The following SAP130 variants were observed in gnomAD, a reference collection of about 807,000 sequenced individuals.
The protein encoded by SAP130 is Sin3A associated protein 130.
Under a neutral mutation model 103.2 loss-of-function variants are expected in SAP130, and 16 were observed. The observed-to-expected ratio is 0.16, with a 90% CI of 0.10 to 0.24. The LOEUF (loss-of-function observed/expected upper bound fraction) is 0.24, where lower values mean the gene tolerates loss of function less well. Ranked by LOEUF, SAP130 falls within the 10% of genes least tolerant of loss-of-function variation. The probability of loss-of-function intolerance (pLI) is 1.00; values close to 1 mark genes in which losing one functional copy is unlikely to be tolerated. For synonymous variants in SAP130, 477 were observed against 497.0 expected, an observed-to-expected ratio of 0.96 and a Z score of 0.53; for missense variants, 990 against 1,359.7, an observed-to-expected ratio of 0.73 and a Z score of 4.28.
At chr2:128,016,201 T>C (rs1341458615) in intron 4 of SAP130, among the ~76,000 whole-genome samples, 188 bp downstream of exon 4, 2 of 152,122 alleles carry the variant, frequency 1.3e-5, no homozygotes, top group Admixed American at 6.6e-5. Context: ...ATGACCACTA[T>C]GGACACTGGC....
intron 12 of SAP130, among the ~76,000 whole-genome samples, chr2:127,992,528 C>A (rs895507391): frequency 6.6e-6 from 1 of 150,740 alleles, no homozygotes; most frequent in African/African-American, 2.4e-5. Flanking sequence ...GATCTGCCTG[C>A]CCTGCCTCAG....
intron 2 of SAP130, among the ~76,000 whole-genome samples, chr2:128,019,535 G>A (rs1168113155): frequency 6.6e-6 from 1 of 152,076 alleles, no homozygotes; most frequent in Non-Finnish European, 1.5e-5. Flanking sequence ...CTCCCAAAGT[G>A]CTGAGATTAC....
Position 128,010,197 on chromosome 2 carries a change from A to G in SAP130, c.869+72T>C, listed in dbSNP as rs915271834. On this transcript the variant is annotated intron_variant, in intron 7 of 20. Transcript: ENST00000643581. ...CACTCAATAAATATTTACTTAAATG[A>G]AGGAACGAAAGAAAAAAGAGTGAAG... 5.3e-6 allele frequency: 8 copies of G among 1,498,666 alleles called. No homozygotes were observed. The Admixed American group carries it at 1.7e-4, about 31-fold the overall frequency. The allele number at this position is 1,498,666 out of a possible 1,614,324, so 92.8% of individuals were successfully genotyped here. A position where few individuals can be genotyped will look rare whatever the true frequency, so the allele number is the denominator to read the frequency against.
intron 6 of SAP130, among the ~76,000 whole-genome samples, chr2:128,011,745 ATC>A (rs1390500472): frequency 6.6e-6 from 1 of 152,194 alleles, no homozygotes; most frequent in Non-Finnish European, 1.5e-5. Context: ...TGTTTCATAC[ATC>A]TGTCTGTCCC....
chr2:128,027,148 G>T, intron 1 of SAP130: 1 of 1,348,412 alleles, frequency 7.4e-7, no homozygotes, highest in Admixed American at 2.9e-5. Context: ...GCCTGGGGGT[G>T]CCGCGGAGGG....
At position 127,942,583 on chromosome 2, in the gene SAP130, T is replaced by C. The variant is rs746491371; in HGVS notation, c.2902-46A>G. The C allele has an allele frequency of 3.3e-6, 4 of 1,216,138 alleles. No homozygotes were observed. The highest frequency in any genetic ancestry group is 4.9e-6 in the Non-Finnish European group (4 of 819,668). The allele number at this position is 1,216,138 out of a possible 1,614,324, so 75.3% of individuals were successfully genotyped here. ...GGTATCATAAGCTCGGAAATATTTT[T>C]CTATGTCAACCCCAGGCAAATGAAC... is the stretch of plus-strand genomic sequence containing the variant. On this transcript the variant is annotated intron_variant, in intron 19 of 20. Transcript: ENST00000643581. This position sits in a 1 kb window ranked among gnomAD's most constrained non-coding sequence, Gnocchi z 4.8.
chr2:128,027,770 G>A (rs1338741830), intron 1 of SAP130, among the ~76,000 whole-genome samples, 170 bp downstream of exon 1: 1 of 151,948 alleles, frequency 6.6e-6, no homozygotes, highest in Non-Finnish European at 1.5e-5. Context: ...CCTGTCGCCG[G>A]CCCAACCGCC....
At chr2:127,966,483 A>G (rs924542292) in intron 15 of SAP130, among the ~76,000 whole-genome samples, 5 of 151,958 alleles carry the variant, frequency 3.3e-5, no homozygotes, top group Admixed American at 6.6e-5. Context: ...CGGGCAGATC[A>G]TCTGAGGTCA....
intron 19 of SAP130, among the ~76,000 whole-genome samples, chr2:127,943,890 T>G (rs1460188755): frequency 6.6e-6 from 1 of 152,250 alleles, no homozygotes; most frequent in Non-Finnish European, 1.5e-5. Flanking sequence ...TCTTTTTACT[T>G]TATAAACTTT....
intron 14 of SAP130, among the ~76,000 whole-genome samples, chr2:127,985,208 A>T (rs1162091962): frequency 6.6e-6 from 1 of 152,240 alleles, no homozygotes; most frequent in East Asian, 1.9e-4. Context: ...GTGTGTAATC[A>T]ATCTGTCATC....
At position 127,983,589 on chromosome 2, in the gene SAP130, G is replaced by A. The variant is rs557118004; in HGVS notation, c.1958+3196C>T. Among the ~76,000 whole-genome samples, 5 of 152,230 alleles carry A rather than the reference G, an allele frequency of 3.3e-5. No homozygotes were observed. The East Asian group carries it at 9.6e-4, about 29-fold the overall frequency. On this transcript the variant is annotated intron_variant, in intron 14 of 20. Transcript: ENST00000643581. ...AAGGCGTGGAGAAAGAAGAGACAAG[G>A]GCACTGGGGTGGAGGTTGGAGTGTC...
At position 127,942,623 on chromosome 2, in the gene SAP130, C is replaced by T. The variant is rs920656485; in HGVS notation, c.2902-86G>A. ...GGCAAATGAACCCACCTTCAATCAC[C>T]TTTGTAAACTGTCTAAGAGTTGTTT... On this transcript the variant is annotated intron_variant, in intron 19 of 20. Transcript: ENST00000643581. This position sits in a 1 kb window ranked among gnomAD's most constrained non-coding sequence, Gnocchi z 4.8. The T allele has an allele frequency of 6.6e-6, 5 of 758,530 alleles. No homozygotes were observed. The highest frequency in any genetic ancestry group is 1.2e-5 in the Non-Finnish European group (5 of 428,942). The allele number at this position is 758,530 out of a possible 1,614,324, so 47.0% of individuals were successfully genotyped here. A position where few individuals can be genotyped will look rare whatever the true frequency, so the allele number is the denominator to read the frequency against.
chr2:127,964,192 C>T (rs13384906), intron 15 of SAP130, among the ~76,000 whole-genome samples: 1 of 151,744 alleles, frequency 6.6e-6, no homozygotes, highest in Non-Finnish European at 1.5e-5. Context: ...GAGACCCTAT[C>T]TAAAAAATAA....
Position 127,942,069 on chromosome 2 carries a change from C to T in SAP130, c.3111G>A (p.Lys1037=). The T allele has an allele frequency of 6.2e-7, 1 of 1,611,208 alleles. No homozygotes were observed. The highest frequency in any genetic ancestry group is 1.1e-5 in the South Asian group (1 of 90,356). The change falls in exon 21 of 21, where the codon AAG becomes AAA. Residue 1037 remains lysine (K), a synonymous_variant. Transcript: ENST00000643581. This position sits in a 1 kb window ranked among gnomAD's most constrained non-coding sequence, Gnocchi z 4.8. ...TGACAGTCCCGTTCTTGTTAAGCAG[C>T]TTCAGGACACGGTCTTTATGATCTA... ...KVLDHKDRVL[K]LLNKNGTVKK...
At chr2:127,946,809 A>C (rs1212581079) in intron 18 of SAP130, among the ~76,000 whole-genome samples, 1 of 151,236 alleles carries the variant, frequency 6.6e-6, no homozygotes, top group Non-Finnish European at 1.5e-5. Flanking sequence ...GCTTGAACCC[A>C]GGAGGCGGAG....
chr2:127,989,199 C>T lies in SAP130; in HGVS notation c.1780+365G>A, dbSNP rs911896194. 4.6e-5 allele frequency among the ~76,000 whole-genome samples: 7 copies of T among 151,690 alleles called. No homozygotes were observed. Among genetic ancestry groups the T allele is most frequent in the African/African-American group, 1.2e-4 (5 of 41,264 alleles). On this transcript the variant is annotated intron_variant, in intron 13 of 20. Transcript: ENST00000643581. This position sits in a 1 kb window ranked among gnomAD's most constrained non-coding sequence, Gnocchi z 4.6. ...CTGCAAGCTCCACATCCCCAGTTCACGCCATTCTCTCGCCTCAGCCTCCCG... is the reference window on the plus strand; with the variant it reads ...CTGCAAGCTCCACATCCCCAGTTCATGCCATTCTCTCGCCTCAGCCTCCCG...
chr2:128,013,182 T>TTATTCTAGTTATATTC (rs1322216140), intron 5 of SAP130, 28 bp from the exon 6 acceptor site: 18 of 1,567,168 alleles, frequency 1.1e-5, no homozygotes, highest in Admixed American at 1.9e-5. Context: ...TTTATTATAT[T>TTATTCTAGTTATATTC]TATTCTAGTT....
chr2:127,979,285 G>A (rs888630617), intron 14 of SAP130, among the ~76,000 whole-genome samples: 4 of 152,132 alleles, frequency 2.6e-5, no homozygotes, highest in East Asian at 1.9e-4. Context: ...GAGAACCTCC[G>A]GGGGAACTGA....
intron 15 of SAP130, among the ~76,000 whole-genome samples, chr2:127,962,550 A>G (rs1352015340): frequency 5.3e-5 from 8 of 152,230 alleles, no homozygotes; most frequent in East Asian, 1.9e-4. Flanking sequence ...ATGCAGCCAT[A>G]AAAAATGATG....
Sources: gnomAD v4.1 joint callset for allele counts (sites outside exome capture counted in the v4.1 genomes callset) on GRCh38, gnomAD v4.1.1 for gene constraint, Gnocchi (gnomAD v3.1) non-coding constraint, MANE v1.5 for transcripts, NCBI Gene and HGNC (gene_info 2026-07-23, HGNC 2026-07-21) for gene names.